The following MAGED2 variants were observed in gnomAD, a reference collection of about 807,000 sequenced individuals.
MAGED2 encodes the protein melanoma-associated antigen D2.
In MAGED2, 6 loss-of-function variants were observed where a neutral mutation model predicts 41.7. The observed-to-expected ratio is 0.14, with a 90% confidence interval of 0.08 to 0.28. MAGED2 has a LOEUF of 0.28. MAGED2 is among the 10% of genes least tolerant of loss of function. MAGED2 has a pLI of 1.00. For synonymous variants in MAGED2, 146 were observed against 178.2 expected (o/e 0.82, Z 1.44); for missense variants, 343 against 486.4 (o/e 0.71, Z 2.77).
chrX:54,815,452 A>C lies in MAGED2; in HGVS notation c.1591A>C (p.Ile531Leu). 1 of 1,204,697 alleles carries C rather than the reference A, an allele frequency of 8.3e-7. No individual in the cohort carries two copies. Among genetic ancestry groups the C allele is most frequent in the East Asian group, 3.0e-5 (1 of 33,405 alleles). Residue 531 changes from isoleucine (I) to leucine (L), a missense_variant, in exon 12 of 13, where the codon ATC becomes CTC. Ile to Leu is a conservative substitution (Grantham distance 5). Around this residue, in one of 3 missense-constraint regions of MAGED2, gnomAD observed 53 missense variants for 60.4 expected, o/e 0.88. Coordinates refer to ENST00000375068, the MANE Select transcript of MAGED2 (RefSeq NM_177433.3). ...ADIGPWAKARIQAGAEAKAKA... is the reference protein window; with the variant it reads ...ADIGPWAKARLQAGAEAKAKA... The stretch of plus-strand genomic sequence containing the variant: ...TATCGGACCCTGGGCCAAAGCCCGG[A>C]TCCAGGCGGGAGCAGAAGCTAAAGC...
intron 10 of MAGED2, among the ~76,000 whole-genome samples, chrX:54,814,121 G>A (rs758896387): frequency 8.9e-6 from 1 of 112,351 alleles, no homozygotes; most frequent in Non-Finnish European, 1.9e-5. Flanking sequence ...ATGGCCCACA[G>A]CTGGTATGGG....
intron 9 of MAGED2, 49 bp from the exon 10 acceptor site, chrX:54,813,439 G>A: frequency 1.8e-6 from 2 of 1,099,217 alleles, no homozygotes; most frequent in Non-Finnish European, 1.3e-6. Context: ...AAGTGCCATA[G>A]CCTTGAGTGA....
intron 1 of MAGED2, chrX:54,808,422 TAGG>T (rs1292962995): frequency 9.0e-6 from 1 of 110,698 alleles, no homozygotes; most frequent in Non-Finnish European, 1.9e-5. Context: ...TCGGGAATTG[TAGG>T]AGGACGAGGT....
In MAGED2 at chrX:54,809,892, C is replaced by G. The variant is rs1348116880; in HGVS notation, c.216C>G (p.Thr72=). The G allele has an allele frequency of 5.9e-6, 7 of 1,192,717 alleles. No individual in the cohort carries two copies. Among genetic ancestry groups the G allele is most frequent in the Non-Finnish European group, 5.6e-6 (5 of 885,701 alleles). The part of the protein sequence containing the change: ...GVSKATEVSK[T]PEAREAPATQ... ...CAAAGGCCACAGAGGTCTCAAAGACCCCAGAGGCTCGGGAGGCACCTGCCA... is the reference window on the plus strand; with the variant it reads ...CAAAGGCCACAGAGGTCTCAAAGACGCCAGAGGCTCGGGAGGCACCTGCCA... The change falls in exon 3 of 13, where the codon ACC becomes ACG. Residue 72 remains threonine, a synonymous_variant. Coordinates refer to ENST00000375068, the MANE Select transcript of MAGED2 (RefSeq NM_177433.3).
At chrX:54,811,811 T>C (rs1401258388) in intron 6 of MAGED2, among the ~76,000 whole-genome samples, 158 bp downstream of exon 6, 2 of 110,345 alleles carry the variant, frequency 1.8e-5, no homozygotes, top group Non-Finnish European at 3.8e-5. Context: ...AGATTAGCGA[T>C]GGGTCACACA....
At chrX:54,808,975 G>A in intron 1 of MAGED2, 1 of 303,210 alleles carries the variant, frequency 3.3e-6, no homozygotes, top group Non-Finnish European at 5.9e-6. Flanking sequence ...AAGGGCTCGT[G>A]CTGGGAAAGC....
At chrX:54,809,434 C>A in intron 2 of MAGED2, 58 bp downstream of exon 2, 1 of 1,070,480 alleles carries the variant, frequency 9.3e-7, no homozygotes, top group Non-Finnish European at 1.3e-6. Flanking sequence ...CTTGTTGCTG[C>A]CCCCAAGTCC....
At chrX:54,809,235 C>A in intron 1 of MAGED2, 68 bp from the exon 2 acceptor site, 1 of 867,940 alleles carries the variant, frequency 1.2e-6, no homozygotes, top group Non-Finnish European at 1.7e-6. Flanking sequence ...TGAGGATCAG[C>A]CTCCAGGCAC....
Position 54,811,631 on chromosome X carries a change from G to A in MAGED2, c.968G>A (p.Arg323Gln). 8.3e-7 allele frequency: 1 copy of A among 1,208,418 alleles called. No homozygotes were observed. Among genetic ancestry groups the A allele is most frequent in the Non-Finnish European group, 1.1e-6 (1 of 892,411 alleles). ...YTDVYPEIIERAGYSLEKVFG... is the reference protein window; with the variant it reads ...YTDVYPEIIEQAGYSLEKVFG... The stretch of plus-strand genomic sequence containing the variant: ...GATGTGTACCCCGAAATCATTGAAC[G>A]AGCAGGCTATTCCTTGGAGAAGGTG... The change falls in exon 6 of 13, where the codon CGA (arginine) becomes CAA (glutamine). Residue 323 changes from arginine (R) to glutamine (Q), a missense_variant. By Grantham distance (43) the Arg-to-Gln change is conservative (BLOSUM62 1). Transcript: ENST00000375068.
chrX:54,815,179 A>G (rs138818544), intron 11 of MAGED2, 69 bp from the exon 12 acceptor site: 4 of 1,110,751 alleles, frequency 3.6e-6, no homozygotes, highest in East Asian at 3.0e-5. Flanking sequence ...GGTTATTTAC[A>G]TAGTAATACT....
intron 6 of MAGED2, 75 bp downstream of exon 6, chrX:54,811,728 G>A (rs750859954): frequency 2.8e-5 from 21 of 761,993 alleles, no homozygotes; most frequent in Non-Finnish European, 4.2e-5. Context: ...GTCCCTTCTC[G>A]GGAACCAAAG....
At position 54,809,088 on chromosome X, in the gene MAGED2, C is replaced by T. The variant is rs768465931; in HGVS notation, c.-29-215C>T. 17 of 409,242 alleles carry T rather than the reference C, an allele frequency of 4.2e-5. No homozygotes were observed. The East Asian group carries it at 5.7e-4, about 14-fold the overall frequency. 33.7% of individuals were successfully genotyped at this position (409,242 alleles called of 1,213,427 possible). A position where few individuals can be genotyped will look rare whatever the true frequency, so the allele number is the denominator to read the frequency against. On this transcript the variant is annotated intron_variant, in intron 1 of 12. Transcript: ENST00000375068. ...AAAAGGGGCGGGGTCCTCAGAGCTG[C>T]CGCGCTGGCACATCTTCCTGGAGAA...
At chrX:54,814,633 A>G in intron 10 of MAGED2, 28 bp from the exon 11 acceptor site, 3 of 1,025,152 alleles carry the variant, frequency 2.9e-6, no homozygotes, top group Non-Finnish European at 4.1e-6. Context: ...GGTCTTAGAA[A>G]TAAAGGCTTT....
Position 54,809,941 on chromosome X carries a change from C to T in MAGED2, c.265C>T (p.Leu89=). The part of the protein sequence containing the change: ...PATQASSTTQ[L]TDTQVLAAEN... ...CACCCAGGCCTCATCTACTACTCAG[C>T]TGACTGATACCCAGGTTCTGGCAGC... Residue 89 remains leucine (L), a synonymous_variant, in exon 3 of 13, where the codon CTG becomes TTG. Transcript: ENST00000375068. The T allele has an allele frequency of 8.3e-7, 1 of 1,203,303 alleles. No homozygotes were observed. Among genetic ancestry groups the T allele is most frequent in the Non-Finnish European group, 1.1e-6 (1 of 890,929 alleles).
At chrX:54,811,391 C>CAGCACAA in intron 5 of MAGED2, 78 bp downstream of exon 5, 1 of 1,006,964 alleles carries the variant, frequency 9.9e-7, no homozygotes, top group Non-Finnish European at 1.4e-6. Context: ...GGGATATCCC[C>CAGCACAA]TGCTCTTATG....
At chrX:54,811,720 C>T in intron 6 of MAGED2, 67 bp downstream of exon 6, 1 of 831,250 alleles carries the variant, frequency 1.2e-6, no homozygotes, top group Non-Finnish European at 1.8e-6. Context: ...ATGTACAAGT[C>T]CCTTCTCGGG....
intron 6 of MAGED2, 62 bp downstream of exon 6, chrX:54,811,715 C>G: frequency 1.2e-6 from 1 of 862,224 alleles, no homozygotes; most frequent in Non-Finnish European, 1.7e-6. Flanking sequence ...CAAAAATGTA[C>G]AAGTCCCTTC....
intron 2 of MAGED2, 142 bp downstream of exon 2, chrX:54,809,518 G>T (rs958183881): frequency 5.7e-6 from 5 of 878,293 alleles, no homozygotes; most frequent in Non-Finnish European, 8.2e-6. Context: ...CCCAGTGGAG[G>T]GAGGGAGAGA....
At chrX:54,812,111 G>A (rs1211773700) in intron 6 of MAGED2, 46 bp from the exon 7 acceptor site, 3 of 789,580 alleles carry the variant, frequency 3.8e-6, no homozygotes, top group Admixed American at 2.2e-5. Flanking sequence ...AGCATGCCCC[G>A]GAAGCTGAAT....
Sources: gnomAD v4.1 joint callset for allele counts (sites outside exome capture counted in the v4.1 genomes callset) on GRCh38, gnomAD v4.1.1 for gene constraint, gnomAD v4.1.1 regional missense constraint, MANE v1.5 for transcripts, NCBI Gene and HGNC (gene_info 2026-07-23, HGNC 2026-07-21) for gene names.